Variants in MEF2A observed in about 807,000 individuals in gnomAD.
MEF2A encodes myocyte enhancer factor 2A, also known as myocyte-specific enhancer factor 2A.
In MEF2A, 28 loss-of-function variants were observed where a neutral mutation model predicts 55.8. That is an observed-to-expected ratio of 0.50 (90% CI 0.37 to 0.69). The LOEUF (loss-of-function observed/expected upper bound fraction) is 0.69. Among genes scored for constraint, MEF2A ranks in the 30% least tolerant of loss-of-function variants. The pLI, the probability that MEF2A is intolerant of heterozygous loss-of-function variation, is 0.00. For missense variants in MEF2A, 528 were observed against 626.2 expected, an observed-to-expected ratio of 0.84 and a Z score of 1.67; for synonymous variants, 239 against 227.1, an observed-to-expected ratio of 1.05 and a Z score of -0.47.
intron 1 of MEF2A, among the ~76,000 whole-genome samples, chr15:99,595,972 G>C (rs1035012502): frequency 3.3e-5 from 5 of 152,104 alleles, no homozygotes; most frequent in African/African-American, 9.7e-5. Context: ...GGATTTGAAG[G>C]CTCAGTGTAT....
intron 2 of MEF2A, among the ~76,000 whole-genome samples, chr15:99,622,707 T>TTTTTTTTA (rs1200956317): frequency 6.9e-6 from 1 of 144,040 alleles, no homozygotes; most frequent in South Asian, 2.3e-4. Flanking sequence ...CTTTTCTTTT[T>TTTTTTTTA]TTTTTTCTTT....
intron 2 of MEF2A, among the ~76,000 whole-genome samples, chr15:99,620,560 C>T (rs904321483): frequency 6.6e-6 from 1 of 152,170 alleles, no homozygotes; most frequent in Non-Finnish European, 1.5e-5. Flanking sequence ...GGTGTATATG[C>T]ATCACGTTTT....
At chr15:99,669,323 A>G (rs771410178) in intron 4 of MEF2A, among the ~76,000 whole-genome samples, 6 of 152,236 alleles carry the variant, frequency 3.9e-5, no homozygotes, top group Non-Finnish European at 8.8e-5. Flanking sequence ...ATCTGTGTGT[A>G]GGCACCTACT....
At chr15:99,625,748 T>A (rs144181766) in intron 2 of MEF2A, among the ~76,000 whole-genome samples, 1 of 152,144 alleles carries the variant, frequency 6.6e-6, no homozygotes, top group Non-Finnish European at 1.5e-5. Context: ...TTTTTTTCCC[T>A]CTTTATTCTC....
At chr15:99,570,398 G>C (rs4451927) in intron 1 of MEF2A, among the ~76,000 whole-genome samples, 152,341 of 152,386 alleles carry the variant, frequency 1, 76,148 homozygotes, top group Middle Eastern at 1. Context: ...AACATAAAAA[G>C]GAAACAAAGC....
chr15:99,694,714 CTT>C (rs1232341082), intron 8 of MEF2A, among the ~76,000 whole-genome samples: 1 of 152,180 alleles, frequency 6.6e-6, no homozygotes, highest in Non-Finnish European at 1.5e-5. Flanking sequence ...TCAGCCCACA[CTT>C]TTAAGGAGTG....
At chr15:99,624,207 T>G (rs1043385213) in intron 2 of MEF2A, among the ~76,000 whole-genome samples, 8 of 152,206 alleles carry the variant, frequency 5.3e-5, no homozygotes, top group African/African-American at 1.4e-4. Context: ...TGTAGTTTTT[T>G]TTGTTGTTGT....
chr15:99,629,224 G>C (rs2042533337), intron 2 of MEF2A, among the ~76,000 whole-genome samples: 1 of 152,106 alleles, frequency 6.6e-6, no homozygotes. Context: ...CATGAGGTCA[G>C]GAGATCGAGA....
chr15:99,624,201 G>GT (rs1364686216), intron 2 of MEF2A, among the ~76,000 whole-genome samples: 4 of 151,978 alleles, frequency 2.6e-5, no homozygotes, highest in Admixed American at 2.0e-4. Flanking sequence ...ATAAAATGTA[G>GT]TTTTTTTTGT....
intron 4 of MEF2A, among the ~76,000 whole-genome samples, chr15:99,649,248 T>G (rs748680808): frequency 1.3e-5 from 2 of 152,168 alleles, no homozygotes; most frequent in African/African-American, 2.4e-5. Context: ...TTAAGAAAGC[T>G]GAATATATGA....
intron 4 of MEF2A, among the ~76,000 whole-genome samples, chr15:99,669,417 A>G (rs2050420803): frequency 6.6e-6 from 1 of 152,192 alleles, no homozygotes; most frequent in African/African-American, 2.4e-5. Context: ...TTCACTCCTC[A>G]TAGCTACTTG....
chr15:99,696,855 A>G (rs1398741587), intron 8 of MEF2A, among the ~76,000 whole-genome samples: 1 of 152,150 alleles, frequency 6.6e-6, no homozygotes, highest in African/African-American at 2.4e-5. Context: ...AACACAAGAA[A>G]AAAAGTCTAC....
intron 2 of MEF2A, among the ~76,000 whole-genome samples, chr15:99,624,405 T>C (rs1195053080): frequency 1.3e-5 from 2 of 152,350 alleles, no homozygotes; most frequent in African/African-American, 2.4e-5. Context: ...CAGGTAGATA[T>C]ACCATTTTAC....
chr15:99,603,806 T>C (rs1436146226), intron 2 of MEF2A, among the ~76,000 whole-genome samples: 1 of 152,224 alleles, frequency 6.6e-6, no homozygotes, highest in African/African-American at 2.4e-5. Flanking sequence ...TTAAGACTTC[T>C]GTGTCCCTTT....
chr15:99,686,673 G>A (rs1040245291), intron 7 of MEF2A, among the ~76,000 whole-genome samples: 1 of 152,112 alleles, frequency 6.6e-6, no homozygotes, highest in African/African-American at 2.4e-5. Context: ...CTTCACTTTA[G>A]ATAATCTGAT....
chr15:99,629,939 C>CA lies in MEF2A; in HGVS notation c.-142-3027dup, dbSNP rs879281513. 2.4e-3 allele frequency among the ~76,000 whole-genome samples: 339 copies of CA among 142,348 alleles called. 5 individuals carry two copies. In the East Asian group the frequency reaches 0.029, roughly 12 times the overall value. The allele number at this position is 142,348 out of a possible 152,430, so 93.4% of individuals were successfully genotyped here. ...TGGGTGACAGAGCAAGTCTCTGTCT[C>CA]AAAAAAAAAAAATCTCTCTTTGGGG... On this transcript the variant is annotated intron_variant, in intron 2 of 11. Transcript: ENST00000557942.
intron 1 of MEF2A, among the ~76,000 whole-genome samples, chr15:99,579,675 C>T (rs1284718519): frequency 6.6e-6 from 1 of 152,148 alleles, no homozygotes; most frequent in Non-Finnish European, 1.5e-5. Flanking sequence ...GGATTACAGG[C>T]GTGAGTCACT....
intron 3 of MEF2A, among the ~76,000 whole-genome samples, chr15:99,639,512 A>T (rs191622455): frequency 6.6e-6 from 1 of 152,248 alleles, no homozygotes; most frequent in Non-Finnish European, 1.5e-5. Context: ...CTAATTTTTT[A>T]CTGTTATAAA....
rs1373492346 is a variant in MEF2A at position 99,714,127 on chromosome 15, A to G, written c.*1356A>G. 2.0e-5 allele frequency: 3 copies of G among 152,176 alleles called. No homozygotes were observed. The highest frequency in any genetic ancestry group is 4.4e-5 in the Non-Finnish European group (3 of 68,028). 9.4% of individuals were successfully genotyped at this position (152,176 alleles called of 1,614,324 possible). On this transcript the variant is annotated 3_prime_UTR_variant, in exon 12 of 12. Transcript: ENST00000557942. ...TGTTACATTGTAATCTTTGTGCTGT[A>G]TGGGTTGAGCATCATTATATATTTT...
Sources: gnomAD v4.1 joint callset for allele counts (sites outside exome capture counted in the v4.1 genomes callset) on GRCh38, gnomAD v4.1.1 for gene constraint, MANE v1.5 for transcripts, NCBI Gene and HGNC (gene_info 2026-07-23, HGNC 2026-07-21) for gene names.